PIK3AP1: variants seen among roughly 807,000 people sequenced by gnomAD.
PIK3AP1 encodes the protein phosphoinositide 3-kinase adapter protein 1.
A neutral mutation model predicts 88.1 loss-of-function variants in PIK3AP1; 21 were observed. The observed-to-expected ratio is 0.24, with a 90% CI of 0.17 to 0.34. PIK3AP1 has a LOEUF of 0.34. Among genes scored for constraint, PIK3AP1 ranks in the 10% least tolerant of loss-of-function variants. The probability of loss-of-function intolerance (pLI) is 1.00; values close to 1 mark genes in which losing one functional copy is unlikely to be tolerated. For missense variants in PIK3AP1, 828 were observed against 1,035.7 expected (o/e 0.80, Z 2.75); for synonymous variants, 398 against 400.0 (o/e 1.00, Z 0.06).
At chr10:96,663,062 G>C (rs1238888243) in intron 2 of PIK3AP1, among the ~76,000 whole-genome samples, 4 of 152,084 alleles carry the variant, frequency 2.6e-5, no homozygotes, top group Non-Finnish European at 4.4e-5. Context: ...CAAATTATAT[G>C]ATTCCAAATA....
At chr10:96,645,804 C>T in intron 7 of PIK3AP1, 142 bp from the exon 8 acceptor site, 1 of 679,270 alleles carries the variant, frequency 1.5e-6, no homozygotes, top group South Asian at 2.2e-5. Flanking sequence ...TTTGTATTTT[C>T]CCACCTGACT....
intron 2 of PIK3AP1, among the ~76,000 whole-genome samples, chr10:96,694,056 T>C (rs931497753): frequency 2.0e-5 from 3 of 152,194 alleles, no homozygotes; most frequent in Non-Finnish European, 4.4e-5. Flanking sequence ...AGATGGTTGC[T>C]CAGGACAGTC....
intron 2 of PIK3AP1, among the ~76,000 whole-genome samples, chr10:96,673,022 T>C (rs989050540): frequency 6.6e-6 from 1 of 152,246 alleles, no homozygotes; most frequent in Non-Finnish European, 1.5e-5. Flanking sequence ...TCTGGTTTAA[T>C]GGTAGAACCA....
intron 2 of PIK3AP1, among the ~76,000 whole-genome samples, chr10:96,689,196 T>TC (rs1289088041): frequency 6.6e-6 from 1 of 152,118 alleles, no homozygotes; most frequent in Admixed American, 6.5e-5. Flanking sequence ...TGCTTTCCTC[T>TC]CCCTGTGCCT....
At chr10:96,641,436 A>G (rs1843388124) in intron 8 of PIK3AP1, among the ~76,000 whole-genome samples, 1 of 152,196 alleles carries the variant, frequency 6.6e-6, no homozygotes, top group African/African-American at 2.4e-5. Context: ...CTGTGAGCGA[A>G]TCAGTGAGTG....
At chr10:96,652,892 G>C (rs201885702) in intron 3 of PIK3AP1, 50 bp from the exon 4 acceptor site, 2 of 1,593,210 alleles carry the variant, frequency 1.3e-6, no homozygotes, top group East Asian at 2.2e-5. Context: ...GATCCCCGTA[G>C]GGTGTTGGGC....
At chr10:96,658,779 C>T (rs1311636245) in intron 2 of PIK3AP1, among the ~76,000 whole-genome samples, 2 of 151,616 alleles carry the variant, frequency 1.3e-5, no homozygotes, top group South Asian at 2.1e-4. Context: ...GATCTTTGTC[C>T]TTGTCTGTAC....
chr10:96,715,076 A>G (rs1844485151), intron 1 of PIK3AP1, among the ~76,000 whole-genome samples: 1 of 151,664 alleles, frequency 6.6e-6, no homozygotes, highest in African/African-American at 2.4e-5. Context: ...CCAGTGATCA[A>G]GGTCAGCATT....
intron 2 of PIK3AP1, chr10:96,700,901 C>A (rs574078033): frequency 2.0e-6 from 2 of 985,080 alleles, no homozygotes; most frequent in South Asian, 4.7e-5. Context: ...GCCTGTGACG[C>A]GCCAAGGCCA....
At chr10:96,658,126 G>A (rs1424363705) in intron 2 of PIK3AP1, among the ~76,000 whole-genome samples, 1 of 151,842 alleles carries the variant, frequency 6.6e-6, no homozygotes, top group Non-Finnish European at 1.5e-5. Flanking sequence ...TCTATTTTTG[G>A]GGTTTGCTCT....
intron 9 of PIK3AP1, among the ~76,000 whole-genome samples, chr10:96,628,074 C>T (rs532816716): frequency 1.3e-5 from 2 of 152,138 alleles, no homozygotes; most frequent in Non-Finnish European, 2.9e-5. Flanking sequence ...GCCCCAACAT[C>T]CAGAACAGTG....
At chr10:96,645,120 A>T (rs1349507059) in intron 8 of PIK3AP1, among the ~76,000 whole-genome samples, 1 of 152,202 alleles carries the variant, frequency 6.6e-6, no homozygotes. Context: ...AGGTTATATA[A>T]TACATAAACC....
intron 6 of PIK3AP1, among the ~76,000 whole-genome samples, chr10:96,651,035 C>T (rs1380418182): frequency 1.3e-5 from 2 of 152,236 alleles, no homozygotes; most frequent in Admixed American, 6.5e-5. Flanking sequence ...TAAGCCACCA[C>T]ATGTGTTTTG....
intron 1 of PIK3AP1, among the ~76,000 whole-genome samples, chr10:96,711,531 A>G (rs1175207214): frequency 1.3e-5 from 2 of 152,200 alleles, no homozygotes; most frequent in Admixed American, 6.5e-5. Flanking sequence ...AAAACAATTA[A>G]ACGCTAGGCC....
chr10:96,634,617 G>T (rs7069485), intron 8 of PIK3AP1, among the ~76,000 whole-genome samples: 2 of 151,910 alleles, frequency 1.3e-5, no homozygotes, highest in Non-Finnish European at 2.9e-5. Context: ...GATGATCATT[G>T]GGGCCACAGG....
intron 8 of PIK3AP1, among the ~76,000 whole-genome samples, chr10:96,629,859 A>T (rs1376770248): frequency 1.4e-5 from 2 of 144,016 alleles, no homozygotes; most frequent in Admixed American, 1.4e-4. Context: ...ATGCCACTGC[A>T]CTCCAGCCGG....
intron 2 of PIK3AP1, among the ~76,000 whole-genome samples, chr10:96,694,979 T>C (rs563531315): frequency 2.0e-5 from 3 of 152,294 alleles, no homozygotes; most frequent in Admixed American, 2.0e-4. Flanking sequence ...CAAAACACTG[T>C]TTTAAAGGAT....
intron 3 of PIK3AP1, 60 bp downstream of exon 3, chr10:96,656,738 G>C: frequency 6.3e-7 from 1 of 1,596,106 alleles, no homozygotes; most frequent in African/African-American, 1.3e-5. Context: ...TGCAACAAAT[G>C]CATGCATTTG....
chr10:96,638,459 CACACACACACAG>C (rs1003660122), intron 8 of PIK3AP1, among the ~76,000 whole-genome samples: 13 of 93,696 alleles, frequency 1.4e-4, no homozygotes, highest in South Asian at 4.2e-4. Flanking sequence ...CACACAGACA[CACACACACACAG>C]ACACACACAC....
Sources: allele counts gnomAD v4.1 joint callset (sites outside exome capture counted in the v4.1 genomes callset), GRCh38; gene constraint gnomAD v4.1.1; transcripts MANE v1.5; gene names NCBI Gene and HGNC (gene_info 2026-07-23, HGNC 2026-07-21).